CRACR2A: variants seen among roughly 807,000 people sequenced by gnomAD.
CRACR2A encodes calcium release activated channel regulator 2A, also known as EF-hand calcium-binding domain-containing protein 4B.
Under a neutral mutation model 90.5 loss-of-function variants are expected in CRACR2A, and 79 were observed. That is an observed-to-expected ratio of 0.87 (90% CI 0.73 to 1.05). The LOEUF is 1.05. CRACR2A is among the 50% of genes least tolerant of loss of function. CRACR2A has a pLI of 0.00. For synonymous variants in CRACR2A, 338 were observed against 356.7 expected, an observed-to-expected ratio of 0.95 and a Z score of 0.59; for missense variants, 823 against 897.2, an observed-to-expected ratio of 0.92 and a Z score of 1.06.
chr12:3,680,199 C>T (rs760484487), intron 5 of CRACR2A, 39 bp downstream of exon 5: 6 of 1,527,510 alleles, frequency 3.9e-6, no homozygotes, highest in South Asian at 2.2e-5. Context: ...GTTAGGTAGA[C>T]CCATAACCCT....
intron 1 of CRACR2A, among the ~76,000 whole-genome samples, chr12:3,739,761 C>T (rs1946497506): frequency 6.6e-6 from 1 of 152,022 alleles, no homozygotes; most frequent in South Asian, 2.1e-4. Context: ...TGGTGAAACC[C>T]CGTTTCTACT....
At chr12:3,728,297 G>T (rs1054244445) in intron 2 of CRACR2A, 5 of 152,310 alleles carry the variant, frequency 3.3e-5, no homozygotes, top group African/African-American at 1.2e-4. Context: ...TCAATGAAAA[G>T]CAACTGACTC....
chr12:3,677,647 G>C (rs1174254300), intron 6 of CRACR2A, among the ~76,000 whole-genome samples: 2 of 152,174 alleles, frequency 1.3e-5, no homozygotes, highest in Non-Finnish European at 2.9e-5. Flanking sequence ...GCTCTGGCCT[G>C]TTGTCCTTGG....
At chr12:3,717,018 C>T (rs959864288) in intron 2 of CRACR2A, among the ~76,000 whole-genome samples, 7 of 152,050 alleles carry the variant, frequency 4.6e-5, no homozygotes, top group African/African-American at 1.2e-4. Flanking sequence ...CACAGGCATT[C>T]GATACCACAG....
intron 8 of CRACR2A, among the ~76,000 whole-genome samples, chr12:3,656,714 C>A (rs1009643185): frequency 6.6e-6 from 1 of 152,204 alleles, no homozygotes; most frequent in Non-Finnish European, 1.5e-5. Context: ...AGTTGTGGTA[C>A]ACTGAATGGG....
At chr12:3,728,763 G>A (rs1946312821) in intron 2 of CRACR2A, 1 of 152,268 alleles carries the variant, frequency 6.6e-6, no homozygotes, top group African/African-American at 2.4e-5. Context: ...GCAAAGGGAG[G>A]GAGGGTTCCT....
At chr12:3,660,404 C>G (rs936847871) in intron 7 of CRACR2A, among the ~76,000 whole-genome samples, 5 of 152,084 alleles carry the variant, frequency 3.3e-5, no homozygotes, top group African/African-American at 1.2e-4. Context: ...CACTCTCCTT[C>G]TCAGCATCCT....
At chr12:3,691,067 T>C (rs1945641994) in intron 4 of CRACR2A, among the ~76,000 whole-genome samples, 1 of 152,238 alleles carries the variant, frequency 6.6e-6, no homozygotes, top group Non-Finnish European at 1.5e-5. Flanking sequence ...ATGGGTCTCT[T>C]GAAGATAGCA....
At chr12:3,639,980 A>G (rs1166338022) in intron 13 of CRACR2A, among the ~76,000 whole-genome samples, 4 of 152,246 alleles carry the variant, frequency 2.6e-5, no homozygotes, top group Admixed American at 6.5e-5. Flanking sequence ...GTATGTACAC[A>G]TGAGCAACTA....
At chr12:3,663,189 C>A (rs1945070693) in intron 7 of CRACR2A, among the ~76,000 whole-genome samples, 2 of 152,016 alleles carry the variant, frequency 1.3e-5, no homozygotes, top group African/African-American at 2.4e-5. Flanking sequence ...TGCCAAAAAC[C>A]TGTAAAAACT....
At chr12:3,628,070 TCTCCCTCTCTCCTTCC>T (rs544044406) in intron 15 of CRACR2A, among the ~76,000 whole-genome samples, 9,725 of 116,724 alleles carry the variant, frequency 0.083, 452 homozygotes, top group Middle Eastern at 0.16. Flanking sequence ...TCCCTCCCTC[TCTCCCTCTCTCCTTCC>T]CTCCCTCTCT....
Position 3,642,221 on chromosome 12 carries a change from ATAT to A in CRACR2A, c.1165-386_1165-384del, listed in dbSNP as rs1294723902. ...AAACACTTATCTCTTCTGAAAAAAT[ATAT>A]CTATATTTTTGAAACAGGGTCTTGC... On this transcript the variant is annotated intron_variant, in intron 12 of 19. Coordinates refer to ENST00000440314, the MANE Select transcript of CRACR2A (RefSeq NM_001144958.2). Among the ~76,000 whole-genome samples, 3 of 46,114 alleles carry A rather than the reference ATAT, an allele frequency of 6.5e-5. No homozygotes were observed. In the South Asian group the frequency reaches 2.2e-3, roughly 33 times the overall value. The allele number at this position is 46,114 out of a possible 152,430, so 30.3% of individuals were successfully genotyped here.
At chr12:3,682,018 T>C (rs976003352) in intron 4 of CRACR2A, among the ~76,000 whole-genome samples, 1 of 152,102 alleles carries the variant, frequency 6.6e-6, no homozygotes, top group Admixed American at 6.5e-5. Flanking sequence ...TTATCAACAA[T>C]CCATAAACCA....
At chr12:3,750,865 CA>C (rs1277449639) in intron 1 of CRACR2A, among the ~76,000 whole-genome samples, 1 of 152,190 alleles carries the variant, frequency 6.6e-6, no homozygotes, top group Non-Finnish European at 1.5e-5. Context: ...CTACTGCGGC[CA>C]CTGCCCCAGT....
At chr12:3,740,559 G>A (rs926144727) in intron 1 of CRACR2A, among the ~76,000 whole-genome samples, 3 of 152,128 alleles carry the variant, frequency 2.0e-5, no homozygotes, top group Admixed American at 2.0e-4. Flanking sequence ...TGTATTAAGT[G>A]CCTCCACAGT....
chr12:3,621,255 G>C (rs147109144), intron 17 of CRACR2A, among the ~76,000 whole-genome samples: 80 of 152,186 alleles, frequency 5.3e-4, no homozygotes, highest in African/African-American at 1.9e-3. Flanking sequence ...CTGTTTCCTC[G>C]CTTGCAGAGG....
At chr12:3,742,489 G>A (rs994862980) in intron 1 of CRACR2A, among the ~76,000 whole-genome samples, 3 of 152,118 alleles carry the variant, frequency 2.0e-5, no homozygotes, top group African/African-American at 4.8e-5. Flanking sequence ...CAACATCCCC[G>A]TCTAGACGAA....
In CRACR2A at chr12:3,711,220, AG is replaced by A. The variant is rs1946002555; in HGVS notation, c.-37+2016del. 6.6e-6 allele frequency among the ~76,000 whole-genome samples: 1 copy of A among 152,242 alleles called. No homozygotes were observed. Among genetic ancestry groups the A allele is most frequent in the Admixed American group, 6.5e-5 (1 of 15,284 alleles). ...GTGCTTCCAAAAACAATGATGGGAC[AG>A]GGGCACGACAGATGTTCCATCTCTA... is the stretch of plus-strand genomic sequence containing the variant. On this transcript the variant is annotated intron_variant, in intron 3 of 19. Transcript: ENST00000440314. This position sits in a 1 kb window ranked among gnomAD's most constrained non-coding sequence, Gnocchi z 4.3.
chr12:3,726,132 T>A (rs901237125), intron 2 of CRACR2A: 1 of 152,094 alleles, frequency 6.6e-6, no homozygotes, highest in Non-Finnish European at 1.5e-5. Flanking sequence ...AAAGTAGCCC[T>A]AATTTTAATA....
Sources: gnomAD v4.1 joint callset for allele counts (sites outside exome capture counted in the v4.1 genomes callset) on GRCh38, gnomAD v4.1.1 for gene constraint, Gnocchi (gnomAD v3.1) non-coding constraint, MANE v1.5 for transcripts, NCBI Gene and HGNC (gene_info 2026-07-23, HGNC 2026-07-21) for gene names.